The following USF3 variants were observed in gnomAD, a reference collection of about 807,000 sequenced individuals.
USF3 encodes the protein basic helix-loop-helix domain-containing protein USF3.
USF3 carries 29 observed loss-of-function variants against 157.5 expected under a neutral mutation model. The observed-to-expected ratio is 0.18, with a 90% CI of 0.14 to 0.25. The LOEUF is 0.25. Among genes scored for constraint, USF3 ranks in the 10% least tolerant of loss-of-function variants. The pLI is 1.00. For missense variants in USF3, 2,381 were observed against 2,667.6 expected (o/e 0.89, Z 2.37); for synonymous variants, 893 against 941.4 (o/e 0.95, Z 0.94).
At chr3:113,676,530 G>A (rs1355865908) in intron 2 of USF3, among the ~76,000 whole-genome samples, 3 of 152,074 alleles carry the variant, frequency 2.0e-5, no homozygotes, top group East Asian at 1.9e-4. Context: ...TGAGGGTAAC[G>A]GCCCCCATGA....
At chr3:113,689,346 T>G (rs965950527) in intron 1 of USF3, among the ~76,000 whole-genome samples, 2 of 152,214 alleles carry the variant, frequency 1.3e-5, no homozygotes, top group African/African-American at 4.8e-5. Flanking sequence ...TCAATACGTG[T>G]TAGTTGACTT....
In USF3 at chr3:113,656,439, C is replaced by T; in HGVS notation, c.5243G>A (p.Ser1748Asn). 6.2e-7 allele frequency: 1 copy of T among 1,614,152 alleles called. No homozygotes were observed. Among genetic ancestry groups the T allele is most frequent in the Non-Finnish European group, 8.5e-7 (1 of 1,180,012 alleles). Residue 1748 changes from serine (S) to asparagine (N), a missense_variant, in exon 7 of 7, where the codon AGT becomes AAT. Transcript: ENST00000316407. ...TCTTGAAGATTGTACTTCAAAATTA[C>T]TCTGGGGCTGTTGACTAGCTCCACT... ...KPSGASQQPQSNFEVQSSRNN... is the reference protein window; with the variant it reads ...KPSGASQQPQNNFEVQSSRNN...
chr3:113,659,359 G>C lies in USF3; in HGVS notation c.2323C>G (p.Leu775Val). 3 of 1,614,194 alleles carry C rather than the reference G, an allele frequency of 1.9e-6. No individual in the cohort carries two copies. Among genetic ancestry groups the C allele is most frequent in the Non-Finnish European group, 2.5e-6 (3 of 1,180,014 alleles). The change falls in exon 7 of 7, where the codon CTA (leucine) becomes GTA (valine). Residue 775 changes from leucine to valine, a missense_variant. Physicochemically the swap from Leu to Val is conservative, Grantham distance 32. Around this residue, in one of 6 missense-constraint regions of USF3, gnomAD observed 1,435 missense variants for 1,550.9 expected, o/e 0.93. Coordinates refer to ENST00000316407, the MANE Select transcript of USF3 (RefSeq NM_001009899.4). The stretch of plus-strand genomic sequence containing the variant: ...GTGTTCATTGAGGAAGTACTCACTA[G>C]ATTATAAGTACTAGCTAGTGTGGCT... The part of the protein sequence containing the change: ...SSATLASTYN[L>V]VSTSSMNTVA...
intron 1 of USF3, among the ~76,000 whole-genome samples, chr3:113,679,747 T>A (rs988259023): frequency 6.6e-6 from 1 of 152,110 alleles, no homozygotes; most frequent in African/African-American, 2.4e-5. Flanking sequence ...TTCAAGTCAA[T>A]CCCTTCCCCT....
At position 113,655,451 on chromosome 3, in the gene USF3, T is replaced by C; in HGVS notation, c.6231A>G (p.Ile2077Met). 6.2e-7 allele frequency: 1 copy of C among 1,614,138 alleles called. No individual in the cohort carries two copies. Residue 2077 changes from isoleucine (I) to methionine (M), a missense_variant, in exon 7 of 7, where the codon ATA becomes ATG. Transcript: ENST00000316407. ...GTGGAATGAAAGAAGCATTAGCATT[T>C]ATTGGTGGATTCATGCCACCCTCAG... The part of the protein sequence containing the change: ...FIPEGGMNPP[I>M]NANASFIPQV...
At chr3:113,681,149 T>C (rs974432744) in intron 1 of USF3, among the ~76,000 whole-genome samples, 1 of 151,968 alleles carries the variant, frequency 6.6e-6, no homozygotes, top group African/African-American at 2.4e-5. Context: ...GGCTAATTTT[T>C]GTAGTTTTTA....
rs965700067 is a variant in USF3, at chr3:113,648,864, T to A, written c.*6080A>T. Reference sequence around the variant, plus strand: ...TTATGTTCTCCTCAGATTTTTCAACTTTTTTTTACCAAAGTGAAAATATAT... The same window carrying A: ...TTATGTTCTCCTCAGATTTTTCAACATTTTTTTACCAAAGTGAAAATATAT... On this transcript the variant is annotated 3_prime_UTR_variant, in exon 7 of 7. Coordinates refer to ENST00000316407, the MANE Select transcript of USF3 (RefSeq NM_001009899.4). 1 of 152,032 alleles carries A rather than the reference T, an allele frequency of 6.6e-6. No homozygotes were observed. Among genetic ancestry groups the A allele is most frequent in the African/African-American group, 2.4e-5 (1 of 41,312 alleles). 9.4% of individuals were successfully genotyped at this position (152,032 alleles called of 1,614,324 possible). A position where few individuals can be genotyped will look rare whatever the true frequency, so the allele number is the denominator to read the frequency against.
rs2107922274 is a variant in USF3 at position 113,658,532 on chromosome 3, T to C, written c.3150A>G (p.Glu1050=). 1.2e-6 allele frequency: 2 copies of C among 1,614,138 alleles called. No homozygotes were observed. The highest frequency in any genetic ancestry group is 1.7e-6 in the Non-Finnish European group (2 of 1,179,998). Residue 1050 remains glutamate, a synonymous_variant, in exon 7 of 7, where the codon GAA becomes GAG. Coordinates refer to ENST00000316407, the MANE Select transcript of USF3 (RefSeq NM_001009899.4). ...DSSVNLHPKQ[E]LLLMNNDDRD... ...TATCATCATTGTTCATCAGTAATAG[T>C]TCCTGTTTGGGATGTAAATTCACAC...
In USF3 at chr3:113,656,152, T is replaced by C; in HGVS notation, c.5530A>G (p.Arg1844Gly). Residue 1844 changes from arginine to glycine, a missense_variant, in exon 7 of 7, where the codon AGG (arginine) becomes GGG (glycine). Physicochemically the swap from Arg to Gly is moderately radical, Grantham distance 125 (BLOSUM62 -2). Coordinates refer to ENST00000316407, the MANE Select transcript of USF3 (RefSeq NM_001009899.4). ...GSQRSLSEHQ[R>G]NTQCGPSSAI... ...GAGGATGGACCACACTGTGTATTCC[T>C]CTGATGTTCTGAGAGTGACCTCTGG... 1.2e-6 allele frequency: 2 copies of C among 1,614,202 alleles called. No individual in the cohort carries two copies. Among genetic ancestry groups the C allele is most frequent in the Non-Finnish European group, 1.7e-6 (2 of 1,180,030 alleles).
intron 6 of USF3, among the ~76,000 whole-genome samples, chr3:113,663,282 T>C (rs1947515191): frequency 6.6e-6 from 1 of 152,208 alleles, no homozygotes; most frequent in Non-Finnish European, 1.5e-5. Context: ...GGTAACTTGA[T>C]TGTCTCAGCC....
chr3:113,691,876 C>T (rs1707692787), intron 1 of USF3, among the ~76,000 whole-genome samples: 1 of 152,166 alleles, frequency 6.6e-6, no homozygotes. Context: ...TTAAGGAATT[C>T]CTGAGAACTC....
Position 113,660,200 on chromosome 3 carries a change from T to A in USF3, c.1482A>T (p.Val494=), listed in dbSNP as rs958828978. The change falls in exon 7 of 7, where the codon GTA becomes GTT. Residue 494 remains valine, a synonymous_variant. Transcript: ENST00000316407. The part of the protein sequence containing the change: ...FPADGQPVEQ[V]VVTLPSCPSL... ...ATGGACAAGAAGGCAATGTTACAAC[T>A]ACTTGCTCAACTGGCTGCCCATCTG... is the stretch of plus-strand genomic sequence containing the variant. 8.1e-6 allele frequency: 13 copies of A among 1,614,194 alleles called. No individual in the cohort carries two copies. The highest frequency in any genetic ancestry group is 8.5e-6 in the Non-Finnish European group (10 of 1,180,020).
At chr3:113,693,989 A>G (rs776213170) in intron 1 of USF3, among the ~76,000 whole-genome samples, 9 of 152,264 alleles carry the variant, frequency 5.9e-5, no homozygotes, top group Admixed American at 2.6e-4. Flanking sequence ...GTTCTCAGCC[A>G]GGGCTACTGA....
At chr3:113,687,654 G>A (rs776090900) in intron 1 of USF3, among the ~76,000 whole-genome samples, 2 of 152,108 alleles carry the variant, frequency 1.3e-5, no homozygotes, top group Non-Finnish European at 2.9e-5. Flanking sequence ...ATATCTTTCT[G>A]ACAGTGAGAA....
At chr3:113,681,752 C>CA (rs1462876925) in intron 1 of USF3, among the ~76,000 whole-genome samples, 15 of 150,928 alleles carry the variant, frequency 9.9e-5, no homozygotes, top group Non-Finnish European at 2.1e-4. Flanking sequence ...TGGAGTCTCA[C>CA]TCTGTCACCC....
At chr3:113,687,628 C>G (rs902510289) in intron 1 of USF3, among the ~76,000 whole-genome samples, 3 of 152,148 alleles carry the variant, frequency 2.0e-5, no homozygotes, top group Non-Finnish European at 2.9e-5. Context: ...ATAGTCTTCC[C>G]CCCTGCTTAT....
intron 1 of USF3, among the ~76,000 whole-genome samples, chr3:113,695,092 G>A (rs1046499319): frequency 6.6e-6 from 1 of 152,164 alleles, no homozygotes; most frequent in Non-Finnish European, 1.5e-5. Flanking sequence ...GTCTTGGGCC[G>A]CATTAAAAGC....
intron 1 of USF3, among the ~76,000 whole-genome samples, chr3:113,681,876 G>A (rs957025832): frequency 4.9e-5 from 7 of 144,328 alleles, no homozygotes; most frequent in African/African-American, 1.0e-4. Context: ...CTGCCACCAC[G>A]CCTGGCTAAT....
chr3:113,693,512 G>A (rs1205258721), intron 1 of USF3, among the ~76,000 whole-genome samples: 1 of 152,202 alleles, frequency 6.6e-6, no homozygotes, highest in Non-Finnish European at 1.5e-5. Flanking sequence ...GTTAAGGTAT[G>A]ATGAAGCTAC....
Sources: allele counts gnomAD v4.1 joint callset (sites outside exome capture counted in the v4.1 genomes callset), GRCh38; gene constraint gnomAD v4.1.1; regional missense constraint gnomAD v4.1.1; transcripts MANE v1.5; gene names NCBI Gene and HGNC (gene_info 2026-07-23, HGNC 2026-07-21).